The following CCDC146 variants were observed in gnomAD, a reference collection of about 807,000 sequenced individuals.
The protein encoded by CCDC146 is coiled-coil domain-containing protein 146.
CCDC146 carries 92 observed loss-of-function variants against 119.3 expected under a neutral mutation model. That is an observed-to-expected ratio of 0.77 (90% CI 0.65 to 0.92). CCDC146 has a LOEUF of 0.92. Ranked by LOEUF, CCDC146 falls within the 40% of genes least tolerant of loss-of-function variation. The pLI, the probability that CCDC146 is intolerant of heterozygous loss-of-function variation, is 0.00. For synonymous variants in CCDC146, 372 were observed against 371.8 expected, an observed-to-expected ratio of 1.00 and a Z score of -0.01; for missense variants, 1,000 against 1,103.0, an observed-to-expected ratio of 0.91 and a Z score of 1.32.
chr7:77,142,011 T>C (rs1790940154), intron 1 of CCDC146, among the ~76,000 whole-genome samples: 2 of 152,196 alleles, frequency 1.3e-5, no homozygotes, highest in South Asian at 2.1e-4. Flanking sequence ...CTGAATGGTA[T>C]TGCCTGGGTT....
At chr7:77,194,134 C>A (rs902908929) in intron 2 of CCDC146, 1 of 152,018 alleles carries the variant, frequency 6.6e-6, no homozygotes, top group African/African-American at 2.4e-5. Context: ...CCAAATTCTC[C>A]TGAAGTTATA....
intron 1 of CCDC146, among the ~76,000 whole-genome samples, chr7:77,154,297 T>C (rs1791148365): frequency 6.6e-6 from 1 of 152,174 alleles, no homozygotes; most frequent in Admixed American, 6.5e-5. Flanking sequence ...CTGAATTTTA[T>C]TGCATTCAAG....
At chr7:77,124,118 C>T (rs1790662480) in intron 1 of CCDC146, among the ~76,000 whole-genome samples, 1 of 152,116 alleles carries the variant, frequency 6.6e-6, no homozygotes, top group African/African-American at 2.4e-5. Context: ...AATTCTGTGT[C>T]TATGGTAATT....
At position 77,266,858 on chromosome 7, in the gene CCDC146, A is replaced by C. The variant is rs373685861; in HGVS notation, c.1173+4551A>C. On this transcript the variant is annotated intron_variant, in intron 9 of 18. Transcript: ENST00000285871. ...GCTCAAGACATTCAATGGATCCTTA[A>C]TTCACATAATCACAGAATGAAGGAA... Among the ~76,000 whole-genome samples, 3 of 152,308 alleles carry C rather than the reference A, an allele frequency of 2.0e-5. No individual in the cohort carries two copies. The East Asian group carries it at 5.8e-4, about 29-fold the overall frequency.
At chr7:77,163,860 C>CTTTTTTTTT (rs530810388) in intron 1 of CCDC146, among the ~76,000 whole-genome samples, 60 of 110,008 alleles carry the variant, frequency 5.5e-4, no homozygotes, top group Non-Finnish European at 8.8e-4. Context: ...TCTTTTTTTT[C>CTTTTTTTTT]TTTTTTTTTT....
At chr7:77,176,618 T>A (rs1251901779) in intron 2 of CCDC146, among the ~76,000 whole-genome samples, 2 of 152,186 alleles carry the variant, frequency 1.3e-5, no homozygotes, top group Non-Finnish European at 2.9e-5. Flanking sequence ...GATATAGTAT[T>A]CAGAATGCTT....
intron 2 of CCDC146, chr7:77,194,869 TTATA>T (rs1791836206): frequency 6.6e-6 from 1 of 152,146 alleles, no homozygotes; most frequent in South Asian, 2.1e-4. Flanking sequence ...CTTTTAAATA[TTATA>T]TATAGCATTC....
At chr7:77,281,066 G>A (rs1484420142) in intron 14 of CCDC146, among the ~76,000 whole-genome samples, 1 of 149,908 alleles carries the variant, frequency 6.7e-6, no homozygotes, top group Non-Finnish European at 1.5e-5. Context: ...TCGTGCCACT[G>A]CACTATAGCC....
chr7:77,146,346 G>A (rs1791019266), intron 1 of CCDC146, among the ~76,000 whole-genome samples: 1 of 151,960 alleles, frequency 6.6e-6, no homozygotes. Flanking sequence ...ACAGCACACC[G>A]ATGAGTCTTG....
intron 1 of CCDC146, among the ~76,000 whole-genome samples, chr7:77,131,853 A>G (rs1790790129): frequency 2.0e-5 from 3 of 152,324 alleles, no homozygotes; most frequent in South Asian, 4.1e-4. Context: ...TAAAAACGAT[A>G]GGGAGCAGAT....
intron 1 of CCDC146, among the ~76,000 whole-genome samples, chr7:77,146,070 A>G (rs934257997): frequency 5.3e-5 from 8 of 150,672 alleles, no homozygotes; most frequent in Non-Finnish European, 1.0e-4. Context: ...TTTGTAGGTC[A>G]CTCAGGACTT....
At chr7:77,256,615 A>C in intron 6 of CCDC146, 106 bp downstream of exon 6, 38 of 849,618 alleles carry the variant, frequency 4.5e-5, no homozygotes, top group Non-Finnish European at 7.0e-5. Flanking sequence ...GTATTGTCTC[A>C]CAAACTGAAA....
chr7:77,235,554 G>A lies in CCDC146; in HGVS notation c.157-1393G>A, dbSNP rs538250466. On this transcript the variant is annotated intron_variant, in intron 2 of 18. Transcript: ENST00000285871. ...TGTTGTGAAAGGAGGCTGTGGGGGT[G>A]TTGGGGTCAGGCAGGACCTCAAGGT... is the stretch of plus-strand genomic sequence containing the variant. 2.3e-4 allele frequency among the ~76,000 whole-genome samples: 35 copies of A among 152,316 alleles called. 1 individual carries two copies. In the South Asian group the frequency reaches 3.9e-3, roughly 17 times the overall value.
Position 77,286,863 on chromosome 7 carries a change from T to C in CCDC146, c.2214T>C (p.Asn738=), listed in dbSNP as rs1793857870. The change falls in exon 16 of 19, where the codon AAT becomes AAC. Residue 738 remains asparagine, a synonymous_variant. Coordinates refer to ENST00000285871, the MANE Select transcript of CCDC146 (RefSeq NM_020879.3). ...AGTTCGTAAAGCCTGATGGTGAGAA[T>C]AGAGCTCGCTTCCTTCCAGGGAAAG... The part of the protein sequence containing the change: ...EKQFVKPDGE[N]RARFLPGKDL... 1 of 1,614,088 alleles carries C rather than the reference T, an allele frequency of 6.2e-7. No individual in the cohort carries two copies.
chr7:77,271,341 C>G (rs998690409), intron 9 of CCDC146, among the ~76,000 whole-genome samples: 1 of 151,424 alleles, frequency 6.6e-6, no homozygotes, highest in African/African-American at 2.4e-5. Context: ...TGGACCCTTC[C>G]TGCCCTCGAA....
chr7:77,278,047 G>A (rs754294648), intron 11 of CCDC146, among the ~76,000 whole-genome samples: 2 of 152,214 alleles, frequency 1.3e-5, no homozygotes, highest in South Asian at 2.1e-4. Flanking sequence ...TTATTATGTA[G>A]GAAAACACCC....
intron 2 of CCDC146, among the ~76,000 whole-genome samples, chr7:77,168,859 A>T (rs2117487778): frequency 6.6e-6 from 1 of 152,082 alleles, no homozygotes; most frequent in East Asian, 1.9e-4. Context: ...CTCTCTGAAG[A>T]CACGATGCCC....
At chr7:77,288,757 G>A (rs1053501207) in intron 17 of CCDC146, among the ~76,000 whole-genome samples, 1 of 152,186 alleles carries the variant, frequency 6.6e-6, no homozygotes, top group African/African-American at 2.4e-5. Flanking sequence ...GGTCTAGTAG[G>A]GGGAGACAGA....
intron 1 of CCDC146, among the ~76,000 whole-genome samples, chr7:77,136,190 A>G (rs1352908373): frequency 6.6e-6 from 1 of 152,234 alleles, no homozygotes; most frequent in Non-Finnish European, 1.5e-5. Context: ...TTAGAAAAGA[A>G]GAAAGATCTA....
Sources: allele counts gnomAD v4.1 joint callset (sites outside exome capture counted in the v4.1 genomes callset), GRCh38; gene constraint gnomAD v4.1.1; transcripts MANE v1.5; gene names NCBI Gene and HGNC (gene_info 2026-07-23, HGNC 2026-07-21).